EPG5: variants seen among roughly 807,000 people sequenced by gnomAD.
EPG5 encodes ectopic P granules protein 5 homolog.
A neutral mutation model predicts 302.7 loss-of-function variants in EPG5; 159 were observed. The observed-to-expected ratio is 0.53, with a 90% CI of 0.46 to 0.60. The LOEUF (loss-of-function observed/expected upper bound fraction) is 0.60, where lower values mean the gene tolerates loss of function less well. Among genes scored for constraint, EPG5 ranks in the 20% least tolerant of loss-of-function variants. The pLI, the probability that EPG5 is intolerant of heterozygous loss-of-function variation, is 0.00. For missense variants in EPG5, 2,896 were observed against 3,092.4 expected, an observed-to-expected ratio of 0.94 and a Z score of 1.51; for synonymous variants, 1,158 against 1,136.8, an observed-to-expected ratio of 1.02 and a Z score of -0.37.
Position 45,916,073 on chromosome 18 carries a change from C to T in EPG5, c.3518G>A (p.Cys1173Tyr). 6.2e-7 allele frequency: 1 copy of T among 1,614,012 alleles called. No homozygotes were observed. Among genetic ancestry groups the T allele is most frequent in the Non-Finnish European group, 8.5e-7 (1 of 1,180,024 alleles). The change falls in exon 19 of 44, where the codon TGT becomes TAT. Residue 1173 changes from cysteine (C) to tyrosine (Y), a missense_variant. By Grantham distance (194) the Cys-to-Tyr change is radical (BLOSUM62 -2). Transcript: ENST00000282041. ...QPILFLMDHL[C>Y]KAAFQLMQED... is the part of the protein sequence containing the mutation. ...CTGCATCAGCTGAAAAGCTGCTTTA[C>T]ACAAGTGGTCCATGAGGAAGAGGAT...
rs1470943296 is a variant in EPG5 at position 45,879,006 on chromosome 18, A to G, written c.5869+7T>C. The G allele has an allele frequency of 2.5e-6, 4 of 1,612,806 alleles. No homozygotes were observed. Among genetic ancestry groups the G allele is most frequent in the South Asian group, 2.2e-5 (2 of 91,028 alleles). On this transcript the variant is annotated splice_region_variant and intron_variant, in intron 33 of 43. Transcript: ENST00000282041. ...CCTAGCTCCACATCGCATGAGAAGT[A>G]TATTACCTGTTTTCCTGCTGGCAGT...
intron 1 of EPG5, among the ~76,000 whole-genome samples, chr18:45,960,163 T>C (rs959741586): frequency 9.8e-5 from 15 of 152,312 alleles, no homozygotes; most frequent in Admixed American, 2.6e-4. Context: ...ACATAATGTA[T>C]ATATAATAAT....
Position 45,954,561 on chromosome 18 carries a change from T to C in EPG5, c.841A>G (p.Ser281Gly). The C allele has an allele frequency of 6.2e-7, 1 of 1,614,290 alleles. No homozygotes were observed. Among genetic ancestry groups the C allele is most frequent in the Non-Finnish European group, 8.5e-7 (1 of 1,180,046 alleles). The change falls in exon 2 of 44, where the codon AGC (serine) becomes GGC (glycine). Residue 281 changes from serine to glycine, a missense_variant. By Grantham distance (56) the Ser-to-Gly change is moderately conservative. This residue lies in a region of EPG5 where 1,390 missense variants were observed against 1,430.0 expected (regional missense o/e 0.97). Coordinates refer to ENST00000282041, the MANE Select transcript of EPG5 (RefSeq NM_020964.3). ...NVESYLEEFD[S>G]MAHQDRHEFY... The stretch of plus-strand genomic sequence containing the variant: ...TCATGCCTGTCTTGATGAGCCATGC[T>C]GTCAAATTCTTCTAAATATGACTCA...
chr18:45,913,859 A>G (rs1317890189), intron 20 of EPG5, 31 bp from the exon 21 acceptor site: 1 of 1,609,454 alleles, frequency 6.2e-7, no homozygotes. Flanking sequence ...GGGGAGGGGA[A>G]GGAGGAGCTC....
At chr18:45,932,674 A>T (rs1476547540) in intron 11 of EPG5, among the ~76,000 whole-genome samples, 1 of 152,252 alleles carries the variant, frequency 6.6e-6, no homozygotes, top group Non-Finnish European at 1.5e-5. Flanking sequence ...AGAAGATGAA[A>T]AAACAGCAAA....
rs759813946 is a variant in EPG5, at chr18:45,857,916, T to G, written c.7379A>C (p.Glu2460Ala). The change falls in exon 42 of 44, where the codon GAG becomes GCG. Residue 2460 changes from glutamate to alanine, a missense_variant. Glu to Ala is a moderately radical substitution (Grantham distance 107). Transcript: ENST00000282041. ...VQSRQNLVAE[E>A]RLSSGILGAI... Reference sequence around the variant, plus strand: ...CCCCAGGATCCCAGAGCTGAGTCTCTCCTCAGCCACGAGGTTCTGCCTGCT... The same window carrying G: ...CCCCAGGATCCCAGAGCTGAGTCTCGCCTCAGCCACGAGGTTCTGCCTGCT... 1.2e-6 allele frequency: 2 copies of G among 1,612,780 alleles called. No homozygotes were observed. Among genetic ancestry groups the G allele is most frequent in the South Asian group, 2.2e-5 (2 of 91,002 alleles).
chr18:45,883,031 A>AAAG (rs1555667436), intron 30 of EPG5, among the ~76,000 whole-genome samples: 9 of 147,558 alleles, frequency 6.1e-5, no homozygotes, highest in Admixed American at 6.7e-5. Context: ...AAAAAAAAAA[A>AAAG]GTAGTTCACT....
At chr18:45,886,140 T>C (rs926158824) in intron 29 of EPG5, among the ~76,000 whole-genome samples, 2 of 152,230 alleles carry the variant, frequency 1.3e-5, no homozygotes, top group African/African-American at 2.4e-5. Context: ...TCAAGCATGA[T>C]GTAAAACATC....
chr18:45,907,920 TAA>T lies in EPG5; in HGVS notation c.4329+36_4329+37del, dbSNP rs542412749. The T allele has an allele frequency of 0.17, 219,236 of 1,289,678 alleles. 338 individuals are homozygous for T. Among genetic ancestry groups the T allele is most frequent in the Non-Finnish European group, 0.18 (176,995 of 989,548 alleles). The allele number at this position is 1,289,678 out of a possible 1,614,324, so 79.9% of individuals were successfully genotyped here. A position where few individuals can be genotyped will look rare whatever the true frequency, so the allele number is the denominator to read the frequency against. On this transcript the variant is annotated intron_variant, in intron 24 of 43. Transcript: ENST00000282041. ...CAGTTCAAATTACATTCAGATATGC[TAA>T]AAAAAAAAAAAAAAAAAGGAGGGCT...
At chr18:45,882,592 CAT>C (rs1450747002) in intron 30 of EPG5, 105 bp from the exon 31 acceptor site, 17 of 784,396 alleles carry the variant, frequency 2.2e-5, no homozygotes, top group Non-Finnish European at 1.4e-5. Flanking sequence ...AATTACCCAG[CAT>C]TTTATAAAAA....
At position 45,903,935 on chromosome 18, in the gene EPG5, T is replaced by C. The variant is rs200190092; in HGVS notation, c.4474+38A>G. 1 of 1,574,920 alleles carries C rather than the reference T, an allele frequency of 6.3e-7. No homozygotes were observed. Among genetic ancestry groups the C allele is most frequent in the South Asian group, 1.2e-5 (1 of 84,690 alleles). On this transcript the variant is annotated intron_variant, in intron 25 of 43. Coordinates refer to ENST00000282041, the MANE Select transcript of EPG5 (RefSeq NM_020964.3). ...TCAATGGCTCTGATTCAATCATTCA[T>C]TCACTCATTCGAAGGGGCAGGTGCT...
At chr18:45,809,843 C>G in the EPG5 span, among the ~76,000 whole-genome samples, 2 of 151,930 alleles carry the variant, frequency 1.3e-5, no homozygotes, top group African/African-American at 4.8e-5. Context: ...CAAACCCAAA[C>G]CCAACAGAAG....
In EPG5 at chr18:45,955,150, T is replaced by A. The variant is rs771608247; in HGVS notation, c.252A>T (p.Pro84=). 6.2e-7 allele frequency: 1 copy of A among 1,613,920 alleles called. No homozygotes were observed. The highest frequency in any genetic ancestry group is 2.2e-5 in the East Asian group (1 of 44,880). Residue 84 remains proline (P), a synonymous_variant, in exon 2 of 44, where the codon CCA becomes CCT. Transcript: ENST00000282041. ...CATTGCTTATAGTTAAGGAGGTGAG[T>A]GGTACATCAAACATTTCACTCTCAT... ...GQNESEMFDV[P]LTSLTISNEE...
At chr18:45,891,981 G>A (rs1423510508) in intron 27 of EPG5, among the ~76,000 whole-genome samples, 1 of 152,110 alleles carries the variant, frequency 6.6e-6, no homozygotes, top group African/African-American at 2.4e-5. Flanking sequence ...GAATCCCCTG[G>A]CTGGCCTGGA....
intron 12 of EPG5, 89 bp downstream of exon 12, chr18:45,930,587 A>G: frequency 1.8e-6 from 2 of 1,122,854 alleles, no homozygotes; most frequent in Non-Finnish European, 2.5e-6. Context: ...ATAAGTCACA[A>G]TTTGTAAAAG....
intron 1 of EPG5, among the ~76,000 whole-genome samples, chr18:45,965,444 CTAAAA>C (rs947124682): frequency 2.6e-5 from 4 of 151,952 alleles, no homozygotes; most frequent in African/African-American, 7.3e-5. Flanking sequence ...CCCTCTAAAC[CTAAAA>C]TAAAAGTTGG....
the EPG5 span, among the ~76,000 whole-genome samples, chr18:45,808,790 A>G: frequency 8.1e-5 from 12 of 148,736 alleles, no homozygotes; most frequent in East Asian, 4.0e-4. Flanking sequence ...CATAAATATC[A>G]CAGGACCTAT....
At chr18:45,948,096 C>A (rs951808935) in intron 6 of EPG5, among the ~76,000 whole-genome samples, 1 of 152,138 alleles carries the variant, frequency 6.6e-6, no homozygotes, top group African/African-American at 2.4e-5. Context: ...TCAAACACAG[C>A]TCAGTTACCA....
At chr18:45,837,451 C>A in the EPG5 span, 4 of 1,417,724 alleles carry the variant, frequency 2.8e-6, no homozygotes, top group South Asian at 1.5e-5. Context: ...GGTTTCCAGG[C>A]CCCGGGTGCG....
Sources: gnomAD v4.1 joint callset for allele counts (sites outside exome capture counted in the v4.1 genomes callset) on GRCh38, gnomAD v4.1.1 for gene constraint, gnomAD v4.1.1 regional missense constraint, MANE v1.5 for transcripts, NCBI Gene and HGNC (gene_info 2026-07-23, HGNC 2026-07-21) for gene names.